Variants in NLN observed in about 807,000 individuals in gnomAD.
The protein encoded by NLN is neurolysin, mitochondrial.
NLN carries 64 observed loss-of-function variants against 79.9 expected under a neutral mutation model. The ratio of observed to expected loss-of-function variants is 0.80; its 90% CI spans 0.65 to 0.99. The LOEUF is 0.99. Ranked by LOEUF, NLN falls within the 50% of genes least tolerant of loss-of-function variation. The pLI, the probability that NLN is intolerant of heterozygous loss-of-function variation, is 0.00. For synonymous variants in NLN, 267 were observed against 296.6 expected (o/e 0.90, Z 1.02); for missense variants, 835 against 858.7 (o/e 0.97, Z 0.34).
intron 12 of NLN, 85 bp downstream of exon 12, chr5:65,812,476 G>C (rs1306328540): frequency 4.4e-6 from 4 of 902,412 alleles, no homozygotes; most frequent in Admixed American, 2.3e-5. Context: ...GTCACATCTA[G>C]ATTTTACTGT....
chr5:65,801,305 A>G (rs1343506276), intron 9 of NLN, among the ~76,000 whole-genome samples: 1 of 152,218 alleles, frequency 6.6e-6, no homozygotes, highest in Non-Finnish European at 1.5e-5. Context: ...TTTGGATTAT[A>G]GTTTAAAAAC....
intron 9 of NLN, among the ~76,000 whole-genome samples, chr5:65,806,739 A>T (rs888795615): frequency 9.9e-5 from 15 of 152,222 alleles, no homozygotes; most frequent in African/African-American, 3.1e-4. Context: ...GAGCAGTGGC[A>T]GGTATTGAGA....
In NLN at chr5:65,792,672, C is replaced by T; in HGVS notation, c.1527+17C>T. ...TGTGCACAGGTGAGTTTTTTTTTTC[C>T]CCCAGTAAACCTGCCAATTAGTTTT... is the stretch of plus-strand genomic sequence containing the variant. On this transcript the variant is annotated intron_variant, in intron 9 of 12. Transcript: ENST00000380985. 1 of 1,575,368 alleles carries T rather than the reference C, an allele frequency of 6.3e-7. No homozygotes were observed.
At chr5:65,785,098 A>G (rs1389074400) in intron 6 of NLN, among the ~76,000 whole-genome samples, 2 of 152,108 alleles carry the variant, frequency 1.3e-5, no homozygotes, top group South Asian at 2.1e-4. Context: ...GGTTGCTTCC[A>G]TCTTTTGGCT....
intron 3 of NLN, among the ~76,000 whole-genome samples, chr5:65,775,294 A>G (rs1052217554): frequency 2.0e-5 from 3 of 152,146 alleles, no homozygotes; most frequent in Non-Finnish European, 2.9e-5. Flanking sequence ...TTCTTCAGCT[A>G]TTGAGGCTTT....
chr5:65,825,096 G>A lies in NLN; in HGVS notation c.*2181G>A, dbSNP rs1760887693. ...AGCCTGGACGACAGAGTGAGATTCA[G>A]TCTCAAAAAAAATTAATACTCAAAG... On this transcript the variant is annotated 3_prime_UTR_variant, in exon 13 of 13. Transcript: ENST00000380985. 1 of 151,926 alleles carries A rather than the reference G, an allele frequency of 6.6e-6. No homozygotes were observed. Among genetic ancestry groups the A allele is most frequent in the African/African-American group, 2.4e-5 (1 of 41,348 alleles). The allele number at this position is 151,926 out of a possible 1,614,324, so 9.4% of individuals were successfully genotyped here.
At chr5:65,771,766 C>T (rs1679720495) in intron 3 of NLN, among the ~76,000 whole-genome samples, 1 of 152,056 alleles carries the variant, frequency 6.6e-6, no homozygotes, top group South Asian at 2.1e-4. Context: ...CCTGAAATCC[C>T]AGCACTTTGG....
intron 1 of NLN, among the ~76,000 whole-genome samples, chr5:65,740,400 T>C (rs1311646310): frequency 6.6e-6 from 1 of 152,210 alleles, no homozygotes; most frequent in Non-Finnish European, 1.5e-5. Context: ...AATCCACTTA[T>C]GAAGGCAAAG....
At chr5:65,762,156 G>A (rs897987881) in intron 2 of NLN, among the ~76,000 whole-genome samples, 9 of 152,154 alleles carry the variant, frequency 5.9e-5, no homozygotes, top group African/African-American at 2.2e-4. Context: ...TTAATGGACT[G>A]TCTCCAATGT....
At chr5:65,780,914 C>T (rs1467252180) in intron 5 of NLN, among the ~76,000 whole-genome samples, 1 of 152,136 alleles carries the variant, frequency 6.6e-6, no homozygotes, top group Non-Finnish European at 1.5e-5. Context: ...CCTCATGATC[C>T]ACCCACTTCA....
intron 9 of NLN, among the ~76,000 whole-genome samples, chr5:65,806,350 T>C (rs1561210663): frequency 6.6e-6 from 1 of 152,230 alleles, no homozygotes; most frequent in Non-Finnish European, 1.5e-5. Context: ...CTGGAAAGGA[T>C]TCACCATTCC....
intron 1 of NLN, among the ~76,000 whole-genome samples, chr5:65,737,332 T>C (rs1400838625): frequency 6.6e-6 from 1 of 152,144 alleles, no homozygotes; most frequent in Non-Finnish European, 1.5e-5. Flanking sequence ...CTTTGTACTT[T>C]CTGAGGGTGA....
intron 1 of NLN, among the ~76,000 whole-genome samples, chr5:65,755,585 A>G (rs781433766): frequency 1.3e-5 from 2 of 152,228 alleles, no homozygotes; most frequent in Non-Finnish European, 2.9e-5. Flanking sequence ...ATAAGTTTTT[A>G]AATGTTGTAT....
In NLN at chr5:65,826,911, TAAAA is replaced by T. The variant is rs918031005; in HGVS notation, c.*4003_*4006del. On this transcript the variant is annotated 3_prime_UTR_variant, in exon 13 of 13. Coordinates refer to ENST00000380985, the MANE Select transcript of NLN (RefSeq NM_020726.5). ...ACAGAGACCCTGTCTTAAAATAAAA[TAAAA>T]AAAAAAGGAAAAGGAAAGACATACA... 1 of 141,922 alleles carries T rather than the reference TAAAA, an allele frequency of 7.0e-6. No homozygotes were observed. Among genetic ancestry groups the T allele is most frequent in the Non-Finnish European group, 1.5e-5 (1 of 64,568 alleles). The allele number at this position is 141,922 out of a possible 1,614,324, so 8.8% of individuals were successfully genotyped here. A position where few individuals can be genotyped will look rare whatever the true frequency, so the allele number is the denominator to read the frequency against.
In NLN at chr5:65,781,375, A is replaced by G. The variant is rs766932101; in HGVS notation, c.776A>G (p.Glu259Gly). 7.5e-6 allele frequency: 12 copies of G among 1,609,458 alleles called. No individual in the cohort carries two copies. In the South Asian group the frequency reaches 9.9e-5, roughly 13 times the overall value. ...GTCATGAAGAAATGTTGTATCCCTGAAACCAGAAGAAGGATGGAAATGGCT... is the reference window on the plus strand; with the variant it reads ...GTCATGAAGAAATGTTGTATCCCTGGAACCAGAAGAAGGATGGAAATGGCT... ...FPVMKKCCIP[E>G]TRRRMEMAFN... Residue 259 changes from glutamate to glycine, a missense_variant, in exon 6 of 13, where the codon GAA becomes GGA. Glu to Gly is a moderately conservative substitution (Grantham distance 98, BLOSUM62 -2). Coordinates refer to ENST00000380985, the MANE Select transcript of NLN (RefSeq NM_020726.5).
At chr5:65,800,596 G>C (rs1031649753) in intron 9 of NLN, among the ~76,000 whole-genome samples, 1 of 152,164 alleles carries the variant, frequency 6.6e-6, no homozygotes, top group Non-Finnish European at 1.5e-5. Context: ...GTGAACCCAG[G>C]AGGCGGAGCT....
In NLN at chr5:65,762,981, TTCCCCAGCA is replaced by T. The variant is rs1759371240; in HGVS notation, c.325_333del (p.Pro109_His111del). ...GCAGTGGAAAGGACCATGCTAGACT[TTCCCCAGCA>T]TGTATCCTCTGACAAAGAAGTACGA... On this transcript the variant is annotated inframe_deletion, in exon 3 of 13. Transcript: ENST00000380985. 7.4e-6 allele frequency: 12 copies of T among 1,613,984 alleles called. No individual in the cohort carries two copies. Among genetic ancestry groups the T allele is most frequent in the Non-Finnish European group, 9.3e-6 (11 of 1,179,936 alleles).
At position 65,809,677 on chromosome 5, in the gene NLN, G is replaced by C. The variant is rs748419313; in HGVS notation, c.1690G>C (p.Val564Leu). The C allele has an allele frequency of 2.5e-6, 4 of 1,610,730 alleles. No homozygotes were observed. The highest frequency in any genetic ancestry group is 3.4e-6 in the Non-Finnish European group (4 of 1,179,106). The stretch of plus-strand genomic sequence containing the variant: ...TGCAGACGATCTGCTTGAAAAACTT[G>C]TTGCTTCTAGGCTGGTCAACACAGG... ...PIADDLLEKLVASRLVNTGLL... is the reference protein window; with the variant it reads ...PIADDLLEKLLASRLVNTGLL... The change falls in exon 10 of 13, where the codon GTT (valine) becomes CTT (leucine). Residue 564 changes from valine to leucine, a missense_variant. Coordinates refer to ENST00000380985, the MANE Select transcript of NLN (RefSeq NM_020726.5).
Position 65,825,275 on chromosome 5 carries a change from A to C in NLN, c.*2360A>C, listed in dbSNP as rs1249278159. 1 of 152,208 alleles carries C rather than the reference A, an allele frequency of 6.6e-6. No homozygotes were observed. The highest frequency in any genetic ancestry group is 6.5e-5 in the Admixed American group (1 of 15,270). 9.4% of individuals were successfully genotyped at this position (152,208 alleles called of 1,614,324 possible). On this transcript the variant is annotated 3_prime_UTR_variant, in exon 13 of 13. Coordinates refer to ENST00000380985, the MANE Select transcript of NLN (RefSeq NM_020726.5). ...CAGAGAATATCACTGACATGCTTGAAATGGTGGATAACTATGTAAATTGTA... is the reference window on the plus strand; with the variant it reads ...CAGAGAATATCACTGACATGCTTGACATGGTGGATAACTATGTAAATTGTA...
Sources: allele counts gnomAD v4.1 joint callset (sites outside exome capture counted in the v4.1 genomes callset), GRCh38; gene constraint gnomAD v4.1.1; transcripts MANE v1.5; gene names NCBI Gene and HGNC (gene_info 2026-07-23, HGNC 2026-07-21).